EYA4: variants seen among roughly 807,000 people sequenced by gnomAD.
The protein encoded by EYA4 is EYA transcriptional coactivator and phosphatase 4.
Under a neutral mutation model 87.9 loss-of-function variants are expected in EYA4, and 31 were observed. The ratio of observed to expected loss-of-function variants is 0.35; its 90% CI spans 0.27 to 0.48. The LOEUF is 0.48. EYA4 is among the 20% of genes least tolerant of loss of function. The pLI is 0.99. For missense variants in EYA4, 678 were observed against 761.4 expected (o/e 0.89, Z 1.29); for synonymous variants, 263 against 270.6 (o/e 0.97, Z 0.28).
intron 3 of EYA4, 97 bp downstream of exon 3, chr6:133,382,538 A>AT (rs1230417043): frequency 9.1e-6 from 8 of 876,096 alleles, no homozygotes; most frequent in African/African-American, 3.3e-5. Flanking sequence ...GATTTGAAAC[A>AT]TTGAGCTTCT....
chr6:133,456,739 C>T, intron 6 of EYA4, 91 bp downstream of exon 6: 3 of 811,490 alleles, frequency 3.7e-6, no homozygotes, highest in Admixed American at 3.9e-5. Flanking sequence ...CATCCAAGCT[C>T]TTAGAACTTT....
chr6:133,418,382 C>A (rs1396441455), intron 3 of EYA4, among the ~76,000 whole-genome samples: 2 of 152,156 alleles, frequency 1.3e-5, no homozygotes, highest in Admixed American at 6.5e-5. Flanking sequence ...AGACATCTTA[C>A]AAATCTCCTC....
chr6:133,406,808 A>G (rs1193940689), intron 3 of EYA4, among the ~76,000 whole-genome samples: 1 of 152,180 alleles, frequency 6.6e-6, no homozygotes, highest in East Asian at 1.9e-4. Flanking sequence ...ATGAAAATGA[A>G]ATGTATGAAA....
At chr6:133,385,937 G>A (rs1786712802) in intron 3 of EYA4, among the ~76,000 whole-genome samples, 3 of 152,182 alleles carry the variant, frequency 2.0e-5, no homozygotes, top group South Asian at 2.1e-4. Context: ...TAAGCCAGAT[G>A]TCAGGAATAG....
intron 3 of EYA4, among the ~76,000 whole-genome samples, chr6:133,423,125 A>C (rs1160089049): frequency 2.6e-5 from 4 of 152,094 alleles, no homozygotes; most frequent in African/African-American, 9.7e-5. Context: ...TGGTAAAATG[A>C]CTGGAGGGTT....
chr6:133,432,535 C>T (rs1246709474), intron 3 of EYA4, among the ~76,000 whole-genome samples: 1 of 149,794 alleles, frequency 6.7e-6, no homozygotes, highest in Admixed American at 6.7e-5. Flanking sequence ...GTATCAAAAG[C>T]TGGGGCAGTG....
chr6:133,247,353 A>G (rs976838437), intron 1 of EYA4: 2 of 152,238 alleles, frequency 1.3e-5, no homozygotes, highest in Non-Finnish European at 2.9e-5. Flanking sequence ...TTCAAGCCTT[A>G]TCCAAATTGG....
intron 3 of EYA4, chr6:133,435,527 T>TATAG (rs1367045580): frequency 2.0e-5 from 3 of 152,266 alleles, no homozygotes; most frequent in African/African-American, 7.2e-5. Flanking sequence ...TGATCAGTGA[T>TATAG]ATAGACACTG....
chr6:133,387,963 G>T (rs1195241724), intron 3 of EYA4, among the ~76,000 whole-genome samples: 4 of 152,144 alleles, frequency 2.6e-5, no homozygotes, highest in African/African-American at 9.7e-5. Flanking sequence ...GTGAATGAGG[G>T]TGAATGATGT....
intron 2 of EYA4, among the ~76,000 whole-genome samples, chr6:133,359,353 C>A (rs188819238): frequency 1.5e-3 from 235 of 152,210 alleles, no homozygotes; most frequent in Non-Finnish European, 2.6e-3. Flanking sequence ...TGTCTGAGGC[C>A]ATTATTATGT....
At chr6:133,441,922 C>A (rs1216841043) in intron 3 of EYA4, among the ~76,000 whole-genome samples, 1 of 151,738 alleles carries the variant, frequency 6.6e-6, no homozygotes, top group African/African-American at 2.4e-5. Context: ...GAACTCATAT[C>A]TAACAATACA....
At chr6:133,391,672 C>T (rs777958036) in intron 3 of EYA4, among the ~76,000 whole-genome samples, 3 of 151,932 alleles carry the variant, frequency 2.0e-5, no homozygotes, top group South Asian at 2.1e-4. Context: ...TTTCTAGGGA[C>T]GGGAATGTTT....
chr6:133,459,692 A>G (rs993743702), intron 6 of EYA4, among the ~76,000 whole-genome samples: 11 of 152,130 alleles, frequency 7.2e-5, no homozygotes, highest in African/African-American at 2.7e-4. Context: ...TAGAACAAAG[A>G]GTCTGTTTTC....
intron 11 of EYA4, among the ~76,000 whole-genome samples, chr6:133,469,644 A>G (rs1035142591): frequency 2.0e-5 from 3 of 152,008 alleles, no homozygotes; most frequent in Admixed American, 6.6e-5. Flanking sequence ...TTGGACATCT[A>G]TATGCAAAAG....
intron 10 of EYA4, 41 bp downstream of exon 10, chr6:133,464,899 C>A (rs1562452810): frequency 7.2e-7 from 1 of 1,393,302 alleles, no homozygotes; most frequent in Non-Finnish European, 1.0e-6. Flanking sequence ...ATATGTATTT[C>A]AGATTTTTGA....
At chr6:133,416,025 C>T (rs930186843) in intron 3 of EYA4, among the ~76,000 whole-genome samples, 116 of 152,196 alleles carry the variant, frequency 7.6e-4, no homozygotes, top group African/African-American at 2.5e-3. Flanking sequence ...TAAGGTTTTC[C>T]GAGTAGAGTG....
At chr6:133,395,167 G>T (rs1441138486) in intron 3 of EYA4, among the ~76,000 whole-genome samples, 1 of 151,426 alleles carries the variant, frequency 6.6e-6, no homozygotes, top group Non-Finnish European at 1.5e-5. Context: ...GATAGATGAG[G>T]TTATCTAGAA....
chr6:133,266,571 T>C (rs941224654), intron 1 of EYA4, among the ~76,000 whole-genome samples: 1 of 152,180 alleles, frequency 6.6e-6, no homozygotes, highest in Admixed American at 6.5e-5. Flanking sequence ...GTATAAATAA[T>C]AATTTTAAGT....
chr6:133,338,654 T>C (rs1390861978), intron 2 of EYA4, among the ~76,000 whole-genome samples: 1 of 152,196 alleles, frequency 6.6e-6, no homozygotes, highest in Non-Finnish European at 1.5e-5. Flanking sequence ...GTGTTGTACT[T>C]TTACCCACTG....
Sources: gnomAD v4.1 joint callset for allele counts (sites outside exome capture counted in the v4.1 genomes callset) on GRCh38, gnomAD v4.1.1 for gene constraint, MANE v1.5 for transcripts, NCBI Gene and HGNC (gene_info 2026-07-23, HGNC 2026-07-21) for gene names.